ASH1L: variants seen among roughly 807,000 people sequenced by gnomAD.
The protein encoded by ASH1L is ASH1 like histone lysine methyltransferase.
ASH1L carries 23 observed loss-of-function variants against 269.0 expected under a neutral mutation model. That is an observed-to-expected ratio of 0.09 (90% CI 0.06 to 0.12). ASH1L has a LOEUF of 0.12. Among genes scored for constraint, ASH1L ranks in the 10% least tolerant of loss-of-function variants. ASH1L has a pLI of 1.00. For missense variants in ASH1L, 2,912 were observed against 3,567.8 expected (o/e 0.82, Z 4.68); for synonymous variants, 1,187 against 1,253.5 (o/e 0.95, Z 1.12).
intron 5 of ASH1L, among the ~76,000 whole-genome samples, chr1:155,421,605 A>G (rs1027984648): frequency 1.3e-5 from 2 of 151,564 alleles, no homozygotes; most frequent in South Asian, 4.2e-4. Flanking sequence ...CGGGAGGCAG[A>G]GGTTGCAGTG....
intron 2 of ASH1L, among the ~76,000 whole-genome samples, chr1:155,504,270 AGATCAG>A (rs1667682775): frequency 6.6e-6 from 1 of 152,200 alleles, no homozygotes; most frequent in African/African-American, 2.4e-5. Flanking sequence ...ATCTTCTAAC[AGATCAG>A]CAACACCCAA....
chr1:155,361,076 T>A (rs533928344), intron 12 of ASH1L, among the ~76,000 whole-genome samples: 1 of 151,952 alleles, frequency 6.6e-6, no homozygotes, highest in African/African-American at 2.4e-5. Context: ...CCGTCTCTAC[T>A]AAAAATATAA....
intron 2 of ASH1L, among the ~76,000 whole-genome samples, chr1:155,511,344 G>C (rs895120404): frequency 2.6e-4 from 39 of 152,258 alleles, no homozygotes; most frequent in African/African-American, 8.9e-4. Flanking sequence ...TTCCCACAGG[G>C]ATCACTGCAG....
At chr1:155,490,610 T>C (rs1218546828) in intron 2 of ASH1L, among the ~76,000 whole-genome samples, 1 of 106,866 alleles carries the variant, frequency 9.4e-6, no homozygotes, top group African/African-American at 3.6e-5. Flanking sequence ...ACAGCCAGAC[T>C]ACGTCACACA....
chr1:155,509,819 A>G (rs975480164), intron 2 of ASH1L, among the ~76,000 whole-genome samples: 2 of 152,132 alleles, frequency 1.3e-5, no homozygotes, highest in Non-Finnish European at 2.9e-5. Flanking sequence ...AATAATAATA[A>G]TAAGTGTTGG....
intron 2 of ASH1L, among the ~76,000 whole-genome samples, chr1:155,503,731 A>T (rs1667649042): frequency 6.6e-6 from 1 of 152,194 alleles, no homozygotes; most frequent in African/African-American, 2.4e-5. Flanking sequence ...GTAAGTCCTT[A>T]TCCAATCATA....
At chr1:155,339,824 G>A (rs1652619926) in intron 25 of ASH1L, among the ~76,000 whole-genome samples, 1 of 152,174 alleles carries the variant, frequency 6.6e-6, no homozygotes, top group South Asian at 2.1e-4. Context: ...ACTGTAGGCA[G>A]TTGTAATACC....
rs970662298 is a variant in ASH1L, at chr1:155,377,984, C to T, written c.6332+297G>A. Among the ~76,000 whole-genome samples the T allele has an allele frequency of 8.6e-5, 13 of 151,230 alleles. 1 individual carries two copies. Among genetic ancestry groups the T allele is most frequent in the African/African-American group, 3.2e-4 (13 of 41,136 alleles). On this transcript the variant is annotated intron_variant, in intron 10 of 27. Coordinates refer to ENST00000392403, the MANE Select transcript of ASH1L (RefSeq NM_018489.3). ...CTTGCAGTGAGCCGAGATCGCGCCA[C>T]TGCACTCCAGCCTGGGCGACAGAGG... is the stretch of plus-strand genomic sequence containing the variant.
rs1027337093 is a variant in ASH1L, at chr1:155,445,854, CATAG to C, written c.5087-6790_5087-6787del. On this transcript the variant is annotated intron_variant, in intron 4 of 27. Coordinates refer to ENST00000392403, the MANE Select transcript of ASH1L (RefSeq NM_018489.3). ...GATTTAATTTTAATTTTAGTGAGTA[CATAG>C]ATTGTGTGTGTGTGTGTTTGTGTGT... Among the ~76,000 whole-genome samples the C allele has an allele frequency of 2.3e-4, 35 of 151,870 alleles. No individual in the cohort carries two copies. In the East Asian group the frequency reaches 5.4e-3, roughly 24 times the overall value.
chr1:155,480,037 G>A lies in ASH1L; in HGVS notation c.2833C>T (p.Pro945Ser), dbSNP rs992284286. The change falls in exon 3 of 28, where the codon CCA becomes TCA. Residue 945 changes from proline (P) to serine (S), a missense_variant. Pro to Ser is a moderately conservative substitution (Grantham distance 74, BLOSUM62 -1). Transcript: ENST00000392403. Reference protein sequence around the residue: ...FFESEDQLQDPDDLDDSHRPS... With the variant: ...FFESEDQLQDSDDLDDSHRPS... ...CTATGACTGTCATCTAGGTCATCTG[G>A]ATCCTGAAGTTGATCCTCGCTCTCA... 1 of 1,613,884 alleles carries A rather than the reference G, an allele frequency of 6.2e-7. No individual in the cohort carries two copies. The highest frequency in any genetic ancestry group is 1.3e-5 in the African/African-American group (1 of 74,892).
rs376821523 is a variant in ASH1L, at chr1:155,561,184, A to G, written c.-100+969T>C. ...TTTCACAGAGATTCAGTATCACAAA[A>G]AAACTGAAAGAGCTTTCTTATTGTA... On this transcript the variant is annotated intron_variant, in intron 1 of 27. Transcript: ENST00000392403. Among the ~76,000 whole-genome samples the G allele has an allele frequency of 1.8e-3, 278 of 152,092 alleles. 1 individual carries two copies. The highest frequency in any genetic ancestry group is 5.9e-3 in the African/African-American group (245 of 41,532).
At chr1:155,522,726 G>T (rs541525594) in intron 1 of ASH1L, among the ~76,000 whole-genome samples, 1 of 147,374 alleles carries the variant, frequency 6.8e-6, no homozygotes, top group African/African-American at 2.5e-5. Context: ...TCGCTCTGTC[G>T]CCCAGGCTGG....
intron 10 of ASH1L, among the ~76,000 whole-genome samples, chr1:155,374,984 T>C (rs573354076): frequency 2.0e-5 from 3 of 151,964 alleles, no homozygotes; most frequent in Non-Finnish European, 2.9e-5. Context: ...CTGCTAACTT[T>C]TGTATTTTTT....
At chr1:155,562,107 G>C (rs1342443476) in intron 1 of ASH1L, 46 bp downstream of exon 1, 1 of 1,255,264 alleles carries the variant, frequency 8.0e-7, no homozygotes, top group Non-Finnish European at 1.1e-6. Context: ...TTCAATCGCT[G>C]AGAGAGTGCT....
At chr1:155,501,545 A>C (rs1377270917) in intron 2 of ASH1L, among the ~76,000 whole-genome samples, 2 of 151,988 alleles carry the variant, frequency 1.3e-5, no homozygotes, top group Non-Finnish European at 2.9e-5. Flanking sequence ...TAATTTTTAT[A>C]TTTTTAGTAG....
intron 2 of ASH1L, among the ~76,000 whole-genome samples, chr1:155,520,739 G>A (rs1668832118): frequency 6.6e-6 from 1 of 152,074 alleles, no homozygotes; most frequent in African/African-American, 2.4e-5. Flanking sequence ...GTGGGTGCCT[G>A]TAATCCCAGG....
chr1:155,422,553 C>T (rs368410640), intron 5 of ASH1L, among the ~76,000 whole-genome samples: 37 of 151,572 alleles, frequency 2.4e-4, no homozygotes, highest in South Asian at 6.3e-4. Flanking sequence ...CCACTGCGTC[C>T]GGCTGCTAAT....
chr1:155,526,499 A>C (rs994056265), intron 1 of ASH1L, among the ~76,000 whole-genome samples: 6 of 152,132 alleles, frequency 3.9e-5, no homozygotes, highest in Non-Finnish European at 8.8e-5. Context: ...ACACTCAATG[A>C]TCTCATTTTA....
intron 12 of ASH1L, among the ~76,000 whole-genome samples, chr1:155,361,724 C>G (rs1363784347): frequency 6.7e-6 from 1 of 149,856 alleles, no homozygotes; most frequent in Non-Finnish European, 1.5e-5. Context: ...CAAACAAAAA[C>G]TAGACAGGTG....
Sources: gnomAD v4.1 joint callset for allele counts (sites outside exome capture counted in the v4.1 genomes callset) on GRCh38, gnomAD v4.1.1 for gene constraint, MANE v1.5 for transcripts, NCBI Gene and HGNC (gene_info 2026-07-23, HGNC 2026-07-21) for gene names.